Variants in WDFY4 observed in about 807,000 individuals in gnomAD.
WDFY4 encodes the protein WD repeat- and FYVE domain-containing protein 4.
In WDFY4, 169 loss-of-function variants were observed where a neutral mutation model predicts 351.9. The ratio of observed to expected loss-of-function variants is 0.48; its 90% CI spans 0.42 to 0.55. The LOEUF (loss-of-function observed/expected upper bound fraction) is 0.55. WDFY4 is among the 20% of genes least tolerant of loss of function. WDFY4 has a pLI of 0.00. For synonymous variants in WDFY4, 1,622 were observed against 1,574.6 expected, an observed-to-expected ratio of 1.03 and a Z score of -0.71; for missense variants, 3,803 against 3,935.6, an observed-to-expected ratio of 0.97 and a Z score of 0.90.
At chr10:48,849,479 T>G (rs1003444474) in intron 39 of WDFY4, among the ~76,000 whole-genome samples, 4 of 152,200 alleles carry the variant, frequency 2.6e-5, no homozygotes, top group Non-Finnish European at 4.4e-5. Context: ...ATTATTGTTT[T>G]TAAACAGGAG....
chr10:48,698,699 C>T (rs188683415), intron 1 of WDFY4, among the ~76,000 whole-genome samples: 65 of 152,278 alleles, frequency 4.3e-4, no homozygotes, highest in Non-Finnish European at 1.0e-4. Flanking sequence ...GCTGTGCATG[C>T]CAAGTTGTAC....
intron 1 of WDFY4, among the ~76,000 whole-genome samples, chr10:48,702,385 T>C (rs1181013602): frequency 1.3e-5 from 2 of 152,184 alleles, no homozygotes; most frequent in Non-Finnish European, 2.9e-5. Context: ...GCCTTCGTAG[T>C]CATCCCCTTA....
chr10:48,891,324 T>C (rs574095674), intron 44 of WDFY4, among the ~76,000 whole-genome samples: 1 of 152,322 alleles, frequency 6.6e-6, no homozygotes, highest in East Asian at 1.9e-4. Flanking sequence ...ACAAGAGACC[T>C]TTGGCAGGAA....
chr10:48,755,472 G>A (rs2065310140), intron 12 of WDFY4, among the ~76,000 whole-genome samples: 1 of 152,052 alleles, frequency 6.6e-6, no homozygotes, highest in Non-Finnish European at 1.5e-5. Context: ...TTTCTCCTAT[G>A]TTTTCTTCTA....
Position 48,731,273 on chromosome 10 carries a change from G to C in WDFY4, c.1293G>C (p.Ser431=), listed in dbSNP as rs186660788. 1.3e-6 allele frequency: 2 copies of C among 1,551,950 alleles called. No individual in the cohort carries two copies. Among genetic ancestry groups the C allele is most frequent in the South Asian group, 2.4e-5 (2 of 84,064 alleles). Residue 431 remains serine (S), a synonymous_variant, in exon 9 of 62, where the codon TCG becomes TCC. Coordinates refer to ENST00000325239, the MANE Select transcript of WDFY4 (RefSeq NM_001394531.1). ...FLLEWTLQPI[S]QFVEIMPLKP... is the part of the protein sequence containing the mutation. Reference sequence around the variant, plus strand: ...TGGAGTGGACCCTGCAGCCCATCTCGCAGTTTGTAGAGATCATGCCCCTGA... The same window carrying C: ...TGGAGTGGACCCTGCAGCCCATCTCCCAGTTTGTAGAGATCATGCCCCTGA...
In WDFY4 at chr10:48,736,039, G is replaced by T. The variant is rs1353222584; in HGVS notation, c.1847G>T (p.Gly616Val). Reference protein sequence around the residue: ...IVGALCSSTQGELQLKLDLLK... With the variant: ...IVGALCSSTQVELQLKLDLLK... Reference sequence around the variant, plus strand: ...GGTGCTCTATGCTCATCCACTCAAGGGGAGCTGCAGCTGAAACTGGATCTC... The same window carrying T: ...GGTGCTCTATGCTCATCCACTCAAGTGGAGCTGCAGCTGAAACTGGATCTC... Residue 616 changes from glycine (G) to valine (V), a missense_variant, in exon 11 of 62, where the codon GGG (glycine) becomes GTG (valine). Physicochemically the swap from Gly to Val is moderately radical, Grantham distance 109. Around this residue, in one of 3 missense-constraint regions of WDFY4, gnomAD observed 261 missense variants for 330.2 expected, o/e 0.79. Coordinates refer to ENST00000325239, the MANE Select transcript of WDFY4 (RefSeq NM_001394531.1). The T allele has an allele frequency of 6.4e-7, 1 of 1,551,796 alleles. No homozygotes were observed. Among genetic ancestry groups the T allele is most frequent in the African/African-American group, 1.4e-5 (1 of 73,166 alleles).
chr10:48,729,056 A>G (rs2064365443), intron 7 of WDFY4, among the ~76,000 whole-genome samples: 1 of 152,242 alleles, frequency 6.6e-6, no homozygotes, highest in Non-Finnish European at 1.5e-5. Context: ...AGCACAAGGA[A>G]GTCCGACTAT....
chr10:48,721,320 G>T lies in WDFY4; in HGVS notation c.409G>T (p.Gly137Cys). The change falls in exon 4 of 62, where the codon GGC (glycine) becomes TGC (cysteine). Residue 137 changes from glycine (G) to cysteine (C), a missense_variant. Gly to Cys is a radical substitution (Grantham distance 159). Coordinates refer to ENST00000325239, the MANE Select transcript of WDFY4 (RefSeq NM_001394531.1). The part of the protein sequence containing the change: ...LWWKGDVDQD[G>C]YLLLKSVYVL... ...GTGGAAGGGGGACGTGGATCAGGAT[G>T]GCTACTTGCTCCTGAAGTCAGTGTA... The T allele has an allele frequency of 6.4e-7, 1 of 1,551,656 alleles. No individual in the cohort carries two copies. The highest frequency in any genetic ancestry group is 8.7e-7 in the Non-Finnish European group (1 of 1,146,972).
intron 47 of WDFY4, among the ~76,000 whole-genome samples, chr10:48,918,303 A>G (rs1407983053): frequency 6.6e-6 from 1 of 152,188 alleles, no homozygotes; most frequent in African/African-American, 2.4e-5. Context: ...TAGATTACAA[A>G]AGAAAAAGAC....
intron 39 of WDFY4, among the ~76,000 whole-genome samples, chr10:48,834,126 T>C (rs1423325098): frequency 6.6e-6 from 1 of 152,214 alleles, no homozygotes; most frequent in Non-Finnish European, 1.5e-5. Context: ...CTCAGGGAAT[T>C]GACTTGTTAA....
chr10:48,974,970 C>T lies in WDFY4; in HGVS notation c.9037C>T (p.His3013Tyr). ...CACCTGTATCCTGTGGGATCTGGAC[C>T]ACCTCACCCACGTGACCCGCCTGCC... is the stretch of plus-strand genomic sequence containing the variant. The part of the protein sequence containing the change: ...DCTCILWDLD[H>Y]LTHVTRLPAH... Residue 3013 changes from histidine to tyrosine, a missense_variant, in exon 58 of 62, where the codon CAC (histidine) becomes TAC (tyrosine). Physicochemically the swap from His to Tyr is moderately conservative, Grantham distance 83. Around this residue, in one of 3 missense-constraint regions of WDFY4, gnomAD observed 3,054 missense variants for 3,148.6 expected, o/e 0.97. Transcript: ENST00000325239. 6.4e-7 allele frequency: 1 copy of T among 1,551,694 alleles called. No homozygotes were observed. The highest frequency in any genetic ancestry group is 8.7e-7 in the Non-Finnish European group (1 of 1,146,992).
chr10:48,924,584 G>A (rs1385934264), intron 47 of WDFY4, among the ~76,000 whole-genome samples: 3 of 152,152 alleles, frequency 2.0e-5, no homozygotes, highest in Non-Finnish European at 4.4e-5. Context: ...AAATATAAGA[G>A]GTTTCTAAAG....
intron 6 of WDFY4, among the ~76,000 whole-genome samples, chr10:48,726,413 A>G (rs1475454968): frequency 6.6e-6 from 1 of 152,246 alleles, no homozygotes; most frequent in Non-Finnish European, 1.5e-5. Context: ...TATTAATGCC[A>G]TTTTAGAATG....
chr10:48,762,799 C>T lies in WDFY4; in HGVS notation c.2553+2359C>T, dbSNP rs368738499. On this transcript the variant is annotated intron_variant, in intron 13 of 61. Transcript: ENST00000325239. ...AGGGCACACAGTGGCTCCGGGCCCCCACAGGCACAAAAGCAGAAGCTGCCA... is the reference window on the plus strand; with the variant it reads ...AGGGCACACAGTGGCTCCGGGCCCCTACAGGCACAAAAGCAGAAGCTGCCA... Among the ~76,000 whole-genome samples, 15 of 152,328 alleles carry T rather than the reference C, an allele frequency of 9.8e-5. No homozygotes were observed. The East Asian group carries it at 1.7e-3, about 18-fold the overall frequency.
At chr10:48,832,960 G>T (rs2068243862) in intron 39 of WDFY4, among the ~76,000 whole-genome samples, 1 of 152,174 alleles carries the variant, frequency 6.6e-6, no homozygotes, top group African/African-American at 2.4e-5. Context: ...AGCAGCTAGG[G>T]GTGTGAGCCC....
chr10:48,686,313 T>TA (rs1344371281), intron 1 of WDFY4, among the ~76,000 whole-genome samples: 2 of 70,934 alleles, frequency 2.8e-5, no homozygotes, highest in Non-Finnish European at 5.8e-5. Flanking sequence ...AAACTCCATC[T>TA]CCAAAAAAAA....
At chr10:48,943,191 G>T (rs1023646353) in intron 48 of WDFY4, 139 bp from the exon 49 acceptor site, 5 of 947,300 alleles carry the variant, frequency 5.3e-6, no homozygotes, top group Non-Finnish European at 6.1e-6. Context: ...CATGAGATGT[G>T]CACAAAGTAA....
rs183021990 is a variant in WDFY4, at chr10:48,849,508, G to C, written c.6663+16799G>C. The stretch of plus-strand genomic sequence containing the variant: ...ACAGGAGAATTACATTTAATACAAC[G>C]AGCTGTTGACAGCCAAGAGAGCCTG... On this transcript the variant is annotated intron_variant, in intron 39 of 61. Coordinates refer to ENST00000325239, the MANE Select transcript of WDFY4 (RefSeq NM_001394531.1). 2.2e-4 allele frequency among the ~76,000 whole-genome samples: 33 copies of C among 152,262 alleles called. No individual in the cohort carries two copies. The East Asian group carries it at 5.6e-3, about 26-fold the overall frequency.
intron 13 of WDFY4, among the ~76,000 whole-genome samples, chr10:48,766,359 G>A (rs1315019057): frequency 6.6e-6 from 1 of 152,164 alleles, no homozygotes; most frequent in East Asian, 1.9e-4. Flanking sequence ...GGGAGTCCAA[G>A]GCAGGAGGAT....
Sources: allele counts gnomAD v4.1 joint callset (sites outside exome capture counted in the v4.1 genomes callset), GRCh38; gene constraint gnomAD v4.1.1; regional missense constraint gnomAD v4.1.1; transcripts MANE v1.5; gene names NCBI Gene and HGNC (gene_info 2026-07-23, HGNC 2026-07-21).